PAPPA2: variants seen among roughly 807,000 people sequenced by gnomAD.
PAPPA2 encodes pappalysin 2, also known as pappalysin-2.
Under a neutral mutation model 176.4 loss-of-function variants are expected in PAPPA2, and 86 were observed. The observed-to-expected ratio is 0.49, with a 90% CI of 0.41 to 0.58. The LOEUF (loss-of-function observed/expected upper bound fraction) is 0.58. Ranked by LOEUF, PAPPA2 falls within the 20% of genes least tolerant of loss-of-function variation. The pLI is 0.00. For missense variants in PAPPA2, 2,073 were observed against 2,256.9 expected, an observed-to-expected ratio of 0.92 and a Z score of 1.65; for synonymous variants, 809 against 852.2, an observed-to-expected ratio of 0.95 and a Z score of 0.88.
chr1:176,586,519 A>G (rs1019016472), intron 2 of PAPPA2, among the ~76,000 whole-genome samples: 6 of 152,080 alleles, frequency 3.9e-5, no homozygotes, highest in African/African-American at 7.2e-5. Flanking sequence ...GTCAGCTCCC[A>G]CATATGAGTG....
chr1:176,664,290 G>A (rs1035767869), intron 3 of PAPPA2, among the ~76,000 whole-genome samples: 3 of 152,180 alleles, frequency 2.0e-5, no homozygotes, highest in African/African-American at 7.2e-5. Flanking sequence ...GCATGCCTTT[G>A]TGGAAGTTCT....
chr1:176,502,913 T>C (rs1036145154), intron 1 of PAPPA2, among the ~76,000 whole-genome samples: 3 of 152,176 alleles, frequency 2.0e-5, no homozygotes, highest in Non-Finnish European at 2.9e-5. Context: ...GTCCTGAGTA[T>C]GATGCACCCA....
intron 1 of PAPPA2, among the ~76,000 whole-genome samples, chr1:176,546,072 A>G (rs929433687): frequency 6.6e-6 from 1 of 152,220 alleles, no homozygotes; most frequent in African/African-American, 2.4e-5. Context: ...TGTCAAAATA[A>G]GTATGGACAG....
At chr1:176,674,304 T>G (rs921238542) in intron 4 of PAPPA2, among the ~76,000 whole-genome samples, 3 of 152,048 alleles carry the variant, frequency 2.0e-5, no homozygotes, top group African/African-American at 7.2e-5. Flanking sequence ...CAGGTGGTGT[T>G]TGGTTACATG....
intron 1 of PAPPA2, among the ~76,000 whole-genome samples, chr1:176,471,424 A>G (rs553157318): frequency 6.6e-6 from 1 of 152,290 alleles, no homozygotes; most frequent in Admixed American, 6.5e-5. Flanking sequence ...AAGCCTTTTT[A>G]AAAAAATTAT....
rs568268418 is a variant in PAPPA2 at position 176,827,433 on chromosome 1, A to G, written c.5203-12740A>G. On this transcript the variant is annotated intron_variant, in intron 21 of 22. Coordinates refer to ENST00000367662, the MANE Select transcript of PAPPA2 (RefSeq NM_020318.3). ...TTTACCATCTGAAATGTCAGCTTATATTTGGCCTTCCTGCTGGGGTTATTC... is the reference window on the plus strand; with the variant it reads ...TTTACCATCTGAAATGTCAGCTTATGTTTGGCCTTCCTGCTGGGGTTATTC... Among the ~76,000 whole-genome samples, 3 of 152,280 alleles carry G rather than the reference A, an allele frequency of 2.0e-5. No homozygotes were observed. In the South Asian group the frequency reaches 6.2e-4, roughly 32 times the overall value.
chr1:176,648,997 T>C (rs934932452), intron 3 of PAPPA2, among the ~76,000 whole-genome samples: 1 of 151,550 alleles, frequency 6.6e-6, no homozygotes, highest in African/African-American at 2.4e-5. Flanking sequence ...GAAGAGTTAT[T>C]TGAGTAGAAT....
At chr1:176,792,199 T>G (rs1557874617) in intron 19 of PAPPA2, among the ~76,000 whole-genome samples, 1 of 151,782 alleles carries the variant, frequency 6.6e-6, no homozygotes, top group Non-Finnish European at 1.5e-5. Context: ...GCAATTACAA[T>G]TAAAGGTCTT....
intron 14 of PAPPA2, among the ~76,000 whole-genome samples, chr1:176,748,015 A>G (rs1351328954): frequency 6.6e-6 from 1 of 152,222 alleles, no homozygotes; most frequent in Non-Finnish European, 1.5e-5. Flanking sequence ...CTCAGCAAGT[A>G]AATTTTACAA....
intron 2 of PAPPA2, among the ~76,000 whole-genome samples, chr1:176,567,570 A>G (rs1039898990): frequency 6.6e-6 from 1 of 152,254 alleles, no homozygotes; most frequent in Admixed American, 6.5e-5. Flanking sequence ...TTGAGCTTCT[A>G]TTAAGTGAAA....
chr1:176,640,236 CA>C (rs1656990895), intron 3 of PAPPA2, among the ~76,000 whole-genome samples: 1 of 151,124 alleles, frequency 6.6e-6, no homozygotes, highest in Non-Finnish European at 1.5e-5. Flanking sequence ...TACATGTGCA[CA>C]ATGTGCAGGT....
At chr1:176,690,004 A>G (rs1342488195) in intron 4 of PAPPA2, 133 bp from the exon 5 acceptor site, 1 of 783,692 alleles carries the variant, frequency 1.3e-6, no homozygotes, top group Non-Finnish European at 2.0e-6. Flanking sequence ...CAATGACTGT[A>G]TGTTACCAGA....
chr1:176,489,371 C>T (rs1409936985), intron 1 of PAPPA2, among the ~76,000 whole-genome samples: 2 of 152,196 alleles, frequency 1.3e-5, no homozygotes, highest in African/African-American at 4.8e-5. Context: ...TTCCCAAGGG[C>T]TGCAGTCTCC....
chr1:176,493,185 A>G (rs1647386930), intron 1 of PAPPA2, among the ~76,000 whole-genome samples: 1 of 152,196 alleles, frequency 6.6e-6, no homozygotes, highest in Non-Finnish European at 1.5e-5. Context: ...TTCATGCCAT[A>G]TCAAAACAAG....
intron 21 of PAPPA2, among the ~76,000 whole-genome samples, chr1:176,825,663 C>A (rs1311028850): frequency 6.6e-6 from 1 of 152,178 alleles, no homozygotes; most frequent in African/African-American, 2.4e-5. Context: ...CCTCAGCTAT[C>A]AATAGAATCT....
intron 12 of PAPPA2, among the ~76,000 whole-genome samples, chr1:176,732,903 C>G (rs1163709592): frequency 6.6e-6 from 1 of 152,220 alleles, no homozygotes; most frequent in East Asian, 1.9e-4. Flanking sequence ...TGTTAGGAAC[C>G]TGGCCACACA....
intron 3 of PAPPA2, among the ~76,000 whole-genome samples, chr1:176,631,091 G>A (rs1260943137): frequency 6.6e-6 from 1 of 152,156 alleles, no homozygotes. Context: ...AAAAGCAGAG[G>A]TGGAAGAAAG....
intron 3 of PAPPA2, among the ~76,000 whole-genome samples, chr1:176,636,852 G>C (rs759735130): frequency 2.6e-5 from 4 of 152,042 alleles, no homozygotes; most frequent in Non-Finnish European, 4.4e-5. Context: ...TTCTTCATTA[G>C]AGATAAAAAG....
intron 3 of PAPPA2, among the ~76,000 whole-genome samples, chr1:176,670,192 G>T (rs776049423): frequency 1.5e-4 from 23 of 152,210 alleles, no homozygotes; most frequent in Non-Finnish European, 3.1e-4. Flanking sequence ...GACTATATAT[G>T]AGTTTAGAAA....
Sources: allele counts gnomAD v4.1 joint callset (sites outside exome capture counted in the v4.1 genomes callset), GRCh38; gene constraint gnomAD v4.1.1; transcripts MANE v1.5; gene names NCBI Gene and HGNC (gene_info 2026-07-23, HGNC 2026-07-21).